The following ZSCAN25 variants were observed in gnomAD, a reference collection of about 807,000 sequenced individuals.
ZSCAN25 encodes zinc finger and SCAN domain-containing protein 25.
In ZSCAN25, 27 loss-of-function variants were observed where a neutral mutation model predicts 38.7. The ratio of observed to expected loss-of-function variants is 0.70; its 90% CI spans 0.51 to 0.96. The LOEUF (loss-of-function observed/expected upper bound fraction) is 0.96, where lower values mean the gene tolerates loss of function less well. Ranked by LOEUF, ZSCAN25 falls within the 40% of genes least tolerant of loss-of-function variation. The pLI is 0.00. For synonymous variants in ZSCAN25, 273 were observed against 277.7 expected (o/e 0.98, Z 0.17); for missense variants, 637 against 705.9 (o/e 0.90, Z 1.11).
At chr7:99,627,256 A>G (rs1407248862) in intron 7 of ZSCAN25, among the ~76,000 whole-genome samples, 1 of 152,258 alleles carries the variant, frequency 6.6e-6, no homozygotes, top group Admixed American at 6.5e-5. Context: ...ATCTAAGAAA[A>G]TAAACATAAA....
downstream of ZSCAN25, among the ~76,000 whole-genome samples, chr7:99,632,989 G>GTTGTTTTTTTTT (rs1554412109): frequency 1.6e-5 from 2 of 128,560 alleles, no homozygotes; most frequent in South Asian, 6.2e-4. Flanking sequence ...ATTTTCTGTT[G>GTTGTTTTTTTTT]TTTTTTTTTT....
At chr7:99,646,664 C>G in the ZSCAN25 span, among the ~76,000 whole-genome samples, 4 of 152,124 alleles carry the variant, frequency 2.6e-5, no homozygotes, top group Non-Finnish European at 5.9e-5. Context: ...TCAGCTATTT[C>G]TCTAACGAGC....
At chr7:99,634,518 G>T (rs140605812), downstream of ZSCAN25, among the ~76,000 whole-genome samples, 4 of 152,144 alleles carry the variant, frequency 2.6e-5, no homozygotes, top group Non-Finnish European at 5.9e-5. Context: ...GGCCAGGCGC[G>T]GTGGCTCACG....
chr7:99,686,073 T>C, the ZSCAN25 span, among the ~76,000 whole-genome samples: 38,281 of 152,100 alleles, frequency 0.25, 8,438 homozygotes, highest in African/African-American at 0.59. Flanking sequence ...CAGCTCCCAG[T>C]GTGAGTGACA....
At position 99,619,998 on chromosome 7, in the gene ZSCAN25, G is replaced by A. The variant is rs754706523; in HGVS notation, c.387+5G>A. 1 of 1,607,836 alleles carries A rather than the reference G, an allele frequency of 6.2e-7. No homozygotes were observed. Among genetic ancestry groups the A allele is most frequent in the South Asian group, 1.1e-5 (1 of 90,736 alleles). Reference sequence around the variant, plus strand: ...AGAGCACTGGAGGCCAAGGCGGTGGGTGAGGAGGGGATCCAGGTCTGGCGC... The same window carrying A: ...AGAGCACTGGAGGCCAAGGCGGTGGATGAGGAGGGGATCCAGGTCTGGCGC... On this transcript the variant is annotated splice_donor_5th_base_variant and intron_variant, in intron 4 of 7. Coordinates refer to ENST00000394152, the MANE Select transcript of ZSCAN25 (RefSeq NM_145115.3).
chr7:99,722,358 G>A, the ZSCAN25 span: 2 of 1,613,204 alleles, frequency 1.2e-6, no homozygotes, highest in Non-Finnish European at 1.7e-6. Flanking sequence ...CCTGGGAGGA[G>A]AAACAAAATA....
At chr7:99,642,138 T>G in the ZSCAN25 span, among the ~76,000 whole-genome samples, 1 of 152,222 alleles carries the variant, frequency 6.6e-6, no homozygotes, top group African/African-American at 2.4e-5. Context: ...AGTTCCTGTT[T>G]TGAGAGACCT....
the ZSCAN25 span, chr7:99,722,199 C>A: frequency 6.7e-7 from 1 of 1,494,974 alleles, no homozygotes; most frequent in Non-Finnish European, 9.2e-7. Flanking sequence ...GCAAGAGCTT[C>A]ATCGCAAGAG....
chr7:99,700,036 G>A, the ZSCAN25 span: 6 of 1,603,960 alleles, frequency 3.7e-6, no homozygotes, highest in Middle Eastern at 1.7e-4. Context: ...GAGGTCCATC[G>A]CCACTTGCCT....
intron 4 of ZSCAN25, 63 bp downstream of exon 4, chr7:99,620,056 A>G (rs1806814745): frequency 6.6e-7 from 1 of 1,504,410 alleles, no homozygotes; most frequent in Non-Finnish European, 8.8e-7. Flanking sequence ...TAAAGAATCC[A>G]AAGATTTGAG....
At chr7:99,685,347 A>T in the ZSCAN25 span, 1 of 1,377,144 alleles carries the variant, frequency 7.3e-7, no homozygotes, top group South Asian at 1.2e-5. Context: ...GTTTGTGACC[A>T]TTACAAACTA....
chr7:99,635,648 G>A (rs570628008), downstream of ZSCAN25, among the ~76,000 whole-genome samples: 1 of 152,146 alleles, frequency 6.6e-6, no homozygotes, highest in East Asian at 1.9e-4. Flanking sequence ...TTCAATAATA[G>A]CAATCACTTG....
the ZSCAN25 span, among the ~76,000 whole-genome samples, chr7:99,724,620 C>T: frequency 2.0e-5 from 3 of 152,016 alleles, no homozygotes; most frequent in East Asian, 5.8e-4. Context: ...ATCCTCTGCT[C>T]CCCCACCCTA....
At chr7:99,710,577 A>G in the ZSCAN25 span, among the ~76,000 whole-genome samples, 41 of 152,334 alleles carry the variant, frequency 2.7e-4, no homozygotes, top group African/African-American at 7.9e-4. Flanking sequence ...ACCATTCCCT[A>G]TGCTTCCTTC....
the ZSCAN25 span, among the ~76,000 whole-genome samples, chr7:99,689,446 A>ACC: frequency 6.6e-6 from 1 of 152,082 alleles, no homozygotes; most frequent in Admixed American, 6.6e-5. Context: ...CGACACATAC[A>ACC]CCCTCCCAAG....
chr7:99,694,865 C>T, the ZSCAN25 span, among the ~76,000 whole-genome samples: 7 of 152,048 alleles, frequency 4.6e-5, no homozygotes, highest in African/African-American at 1.7e-4. Context: ...CACAAAGGCT[C>T]GACCAAAGTT....
chr7:99,638,475 T>A, the ZSCAN25 span: 1 of 1,527,806 alleles, frequency 6.5e-7, no homozygotes, highest in South Asian at 1.1e-5. Context: ...CTGGCAAGCC[T>A]CATCGGTGCG....
chr7:99,689,659 A>G, the ZSCAN25 span, among the ~76,000 whole-genome samples: 1 of 152,182 alleles, frequency 6.6e-6, no homozygotes, highest in African/African-American at 2.4e-5. Flanking sequence ...TACACCAATA[A>G]CAGACAAACA....
In ZSCAN25 at chr7:99,623,767, C is replaced by T. The variant is rs922912166; in HGVS notation, c.682-290C>T. On this transcript the variant is annotated intron_variant, in intron 6 of 7. Coordinates refer to ENST00000394152, the MANE Select transcript of ZSCAN25 (RefSeq NM_145115.3). Reference sequence around the variant, plus strand: ...CCTTGTTCTTAAGACAGGGCTTGGCCGAATGTGAACTTTGTTCTTGATGAG... The same window carrying T: ...CCTTGTTCTTAAGACAGGGCTTGGCTGAATGTGAACTTTGTTCTTGATGAG... Among the ~76,000 whole-genome samples the T allele has an allele frequency of 3.9e-5, 6 of 152,260 alleles. 1 individual carries two copies. Among genetic ancestry groups the T allele is most frequent in the Admixed American group, 3.9e-4 (6 of 15,288 alleles).
Sources: gnomAD v4.1 joint callset for allele counts (sites outside exome capture counted in the v4.1 genomes callset) on GRCh38, gnomAD v4.1.1 for gene constraint, MANE v1.5 for transcripts, NCBI Gene and HGNC (gene_info 2026-07-23, HGNC 2026-07-21) for gene names.